The following PPP1R42 variants were observed in gnomAD, a reference collection of about 807,000 sequenced individuals.
PPP1R42 encodes the protein leucine rich repeat containing 67.
PPP1R42 carries 34 observed loss-of-function variants against 31.0 expected under a neutral mutation model. The observed-to-expected ratio is 1.10, with a 90% CI of 0.83 to 1.46. The LOEUF (loss-of-function observed/expected upper bound fraction) is 1.46. PPP1R42 is among the 40% of genes most tolerant of loss of function. The probability of loss-of-function intolerance (pLI) is 0.00; values close to 1 mark genes in which losing one functional copy is unlikely to be tolerated. For missense variants in PPP1R42, 268 were observed against 303.0 expected (o/e 0.88, Z 0.86); for synonymous variants, 103 against 109.8 (o/e 0.94, Z 0.39).
intron 5 of PPP1R42, among the ~76,000 whole-genome samples, chr8:67,009,639 A>G (rs567671817): frequency 3.0e-4 from 46 of 152,300 alleles, no homozygotes; most frequent in Middle Eastern, 3.4e-3. Context: ...CATTTTTCAC[A>G]TTGTAAGTTG....
chr8:67,022,045 C>G (rs1026186400), intron 1 of PPP1R42, among the ~76,000 whole-genome samples: 7 of 152,032 alleles, frequency 4.6e-5, no homozygotes, highest in African/African-American at 1.4e-4. Context: ...AGGTTTAAAA[C>G]TAGGAGTGGC....
At chr8:66,977,718 C>T (rs539505887) in intron 7 of PPP1R42, among the ~76,000 whole-genome samples, 84 of 152,104 alleles carry the variant, frequency 5.5e-4, no homozygotes, top group Non-Finnish European at 8.5e-4. Flanking sequence ...ATTGGCCAGG[C>T]TGGTCTTGAA....
At chr8:66,992,880 C>A (rs1815231332) in intron 5 of PPP1R42, among the ~76,000 whole-genome samples, 1 of 152,204 alleles carries the variant, frequency 6.6e-6, no homozygotes, top group South Asian at 2.1e-4. Context: ...TCTCTCCCCT[C>A]CCGACTATAG....
At chr8:67,013,169 G>GTAA in intron 3 of PPP1R42, 73 bp from the exon 4 acceptor site, 1 of 1,242,200 alleles carries the variant, frequency 8.1e-7, no homozygotes, top group Non-Finnish European at 1.1e-6. Context: ...TGACAAAAGT[G>GTAA]TAATAACAAA....
intron 5 of PPP1R42, among the ~76,000 whole-genome samples, chr8:66,991,581 T>C (rs1369796590): frequency 1.3e-5 from 2 of 152,152 alleles, no homozygotes; most frequent in South Asian, 4.1e-4. Context: ...GTCCACCAAG[T>C]TTTCTCAGTT....
At chr8:67,019,231 G>A (rs977252591) in intron 1 of PPP1R42, among the ~76,000 whole-genome samples, 1 of 139,942 alleles carries the variant, frequency 7.1e-6, no homozygotes, top group Non-Finnish European at 1.5e-5. Context: ...CCTGGTTTAT[G>A]AGCATCTTTT....
At position 66,964,172 on chromosome 8, in the gene PPP1R42, C is replaced by T. The variant is rs910856364; in HGVS notation, c.*149G>A. 5.2e-5 allele frequency: 25 copies of T among 480,878 alleles called. No homozygotes were observed. The highest frequency in any genetic ancestry group is 4.8e-4 in the African/African-American group (24 of 50,170). 29.8% of individuals were successfully genotyped at this position (480,878 alleles called of 1,614,324 possible). On this transcript the variant is annotated 3_prime_UTR_variant, in exon 8 of 8. Transcript: ENST00000685739. Reference sequence around the variant, plus strand: ...CCCACAAAAGATATTGTTGCCTAGTCATATAAGGTTAAAAACAAAATCAAA... The same window carrying T: ...CCCACAAAAGATATTGTTGCCTAGTTATATAAGGTTAAAAACAAAATCAAA...
chr8:66,987,287 CTTTTTTTTTTT>C (rs71249412), intron 6 of PPP1R42, among the ~76,000 whole-genome samples: 3 of 106,008 alleles, frequency 2.8e-5, no homozygotes, highest in African/African-American at 7.6e-5. Flanking sequence ...AGCAAATGAT[CTTTTTTTTTTT>C]TTTTTTTTTT....
intron 5 of PPP1R42, among the ~76,000 whole-genome samples, chr8:67,000,081 A>G (rs961435021): frequency 3.3e-5 from 5 of 152,038 alleles, no homozygotes; most frequent in African/African-American, 1.2e-4. Flanking sequence ...CTGTATTTCT[A>G]TTTCATTAAT....
At chr8:66,984,566 G>C (rs1814944750) in intron 6 of PPP1R42, 2 of 1,209,876 alleles carry the variant, frequency 1.7e-6, no homozygotes, top group Non-Finnish European at 2.5e-6. Flanking sequence ...GAACTTCTTG[G>C]CTGGGGTGCT....
chr8:66,965,973 G>A (rs1814371597), intron 7 of PPP1R42, among the ~76,000 whole-genome samples: 1 of 152,128 alleles, frequency 6.6e-6, no homozygotes, highest in African/African-American at 2.4e-5. Context: ...TGTCCAAAGT[G>A]TCTGTACTAT....
intron 5 of PPP1R42, among the ~76,000 whole-genome samples, chr8:66,994,929 T>A (rs957276217): frequency 1.2e-4 from 18 of 152,160 alleles, no homozygotes; most frequent in African/African-American, 4.3e-4. Flanking sequence ...GGAACTTAGG[T>A]CCATATAAAA....
At chr8:67,003,489 T>C (rs2129536663) in intron 5 of PPP1R42, among the ~76,000 whole-genome samples, 1 of 151,354 alleles carries the variant, frequency 6.6e-6, no homozygotes, top group South Asian at 2.1e-4. Context: ...TCAATATTCA[T>C]CTTGTTTTTT....
At chr8:67,012,354 G>T (rs1297350722) in intron 4 of PPP1R42, among the ~76,000 whole-genome samples, 1 of 152,152 alleles carries the variant, frequency 6.6e-6, no homozygotes, top group African/African-American at 2.4e-5. Flanking sequence ...TTGTTTTGAG[G>T]ATTAGCAGGA....
intron 5 of PPP1R42, among the ~76,000 whole-genome samples, chr8:67,000,370 A>G (rs963424116): frequency 6.6e-6 from 1 of 152,028 alleles, no homozygotes. Flanking sequence ...AAATTTTCAA[A>G]TGTTTTGTTT....
chr8:67,028,448 G>A (rs192371924), intron 1 of PPP1R42, 43 bp downstream of exon 1: 1 of 980,834 alleles, frequency 1.0e-6, no homozygotes, highest in South Asian at 4.7e-5. Flanking sequence ...CATGGTTCTA[G>A]GGTTTCCTCG....
intron 6 of PPP1R42, chr8:66,988,170 C>T: frequency 1.8e-6 from 2 of 1,136,386 alleles, no homozygotes; most frequent in South Asian, 8.1e-5. Context: ...GCAAAATATC[C>T]TCCTTAAGGA....
At chr8:66,973,623 CAA>C (rs1220810925) in intron 7 of PPP1R42, among the ~76,000 whole-genome samples, 1 of 152,022 alleles carries the variant, frequency 6.6e-6, no homozygotes. Context: ...ACCCTCTTAA[CAA>C]AGTTTTAAAT....
intron 5 of PPP1R42, among the ~76,000 whole-genome samples, chr8:67,001,732 A>T (rs905877969): frequency 2.6e-5 from 4 of 152,280 alleles, no homozygotes; most frequent in African/African-American, 9.6e-5. Context: ...CATTCCTGTC[A>T]TTTGTGCTAT....
Sources: gnomAD v4.1 joint callset for allele counts (sites outside exome capture counted in the v4.1 genomes callset) on GRCh38, gnomAD v4.1.1 for gene constraint, MANE v1.5 for transcripts, NCBI Gene and HGNC (gene_info 2026-07-23, HGNC 2026-07-21) for gene names.